The following CPNE8 variants were observed in gnomAD, a reference collection of about 807,000 sequenced individuals.
CPNE8 encodes copine-8.
Under a neutral mutation model 81.5 loss-of-function variants are expected in CPNE8, and 45 were observed. The ratio of observed to expected loss-of-function variants is 0.55; its 90% CI spans 0.44 to 0.71. The LOEUF (loss-of-function observed/expected upper bound fraction) is 0.71, where lower values mean the gene tolerates loss of function less well. CPNE8 is among the 30% of genes least tolerant of loss of function. The probability of loss-of-function intolerance (pLI) is 0.00; values close to 1 mark genes in which losing one functional copy is unlikely to be tolerated. For synonymous variants in CPNE8, 252 were observed against 226.3 expected (o/e 1.11, Z -1.02); for missense variants, 594 against 672.1 (o/e 0.88, Z 1.28).
In CPNE8 at chr12:38,760,506, C is replaced by A. The variant is rs1205403683; in HGVS notation, c.722+341G>T. 4.1e-5 allele frequency among the ~76,000 whole-genome samples: 6 copies of A among 147,978 alleles called. No homozygotes were observed. The South Asian group carries it at 6.3e-4, about 16-fold the overall frequency. On this transcript the variant is annotated intron_variant, in intron 10 of 19. Coordinates refer to ENST00000331366, the MANE Select transcript of CPNE8 (RefSeq NM_153634.3). Reference sequence around the variant, plus strand: ...TGAATGCAAAGCTTACTTGTGTTCCCTTGAAAAGTATGGGATATCAATGTC... The same window carrying A: ...TGAATGCAAAGCTTACTTGTGTTCCATTGAAAAGTATGGGATATCAATGTC...
chr12:38,750,229 T>G (rs1055058501), intron 10 of CPNE8, among the ~76,000 whole-genome samples: 1 of 152,156 alleles, frequency 6.6e-6, no homozygotes, highest in Admixed American at 6.5e-5. Flanking sequence ...CTGCTTAGAT[T>G]TCAAAAGATG....
At chr12:38,699,701 T>C (rs1295399399) in intron 14 of CPNE8, among the ~76,000 whole-genome samples, 1 of 145,770 alleles carries the variant, frequency 6.9e-6, no homozygotes, top group Non-Finnish European at 1.6e-5. Flanking sequence ...TTCTAAACTT[T>C]TTTTTTTTAC....
At chr12:38,814,995 T>C (rs1392462986) in intron 6 of CPNE8, among the ~76,000 whole-genome samples, 2 of 152,216 alleles carry the variant, frequency 1.3e-5, no homozygotes, top group Non-Finnish European at 1.5e-5. Context: ...CTTTCTGCTT[T>C]GGTCACACAT....
At chr12:38,730,866 T>C (rs911161558) in intron 10 of CPNE8, among the ~76,000 whole-genome samples, 5 of 151,730 alleles carry the variant, frequency 3.3e-5, no homozygotes, top group Non-Finnish European at 7.4e-5. Context: ...TTTTCTATAA[T>C]AGTTAATAAA....
chr12:38,889,439 G>A (rs924648237), intron 1 of CPNE8, among the ~76,000 whole-genome samples: 3 of 152,094 alleles, frequency 2.0e-5, no homozygotes, highest in African/African-American at 7.2e-5. Context: ...GTTTTCTCAG[G>A]AAACACAGGT....
Position 38,867,305 on chromosome 12 carries a change from A to AGTGTGT in CPNE8, c.186+5693_186+5698dup, listed in dbSNP as rs35874005. ...GTCCTTGATGTTTGTTGAATAGTAT[A>AGTGTGT]GTGTGTGTGTGTGTGTGTGTGTGTG... On this transcript the variant is annotated intron_variant, in intron 3 of 19. Transcript: ENST00000331366. Among the ~76,000 whole-genome samples, 382 of 133,208 alleles carry AGTGTGT rather than the reference A, an allele frequency of 2.9e-3. 2 individuals are homozygous for AGTGTGT. The highest frequency in any genetic ancestry group is 6.5e-3 in the African/African-American group (231 of 35,626). 87.4% of individuals were successfully genotyped at this position (133,208 alleles called of 152,430 possible). A position where few individuals can be genotyped will look rare whatever the true frequency, so the allele number is the denominator to read the frequency against.
At chr12:38,683,446 A>C (rs556601910) in intron 16 of CPNE8, among the ~76,000 whole-genome samples, 1 of 152,256 alleles carries the variant, frequency 6.6e-6, no homozygotes, top group South Asian at 2.1e-4. Flanking sequence ...ATAAGCTTTT[A>C]AGAGTTATAT....
chr12:38,900,387 C>T (rs1944443452), intron 1 of CPNE8, among the ~76,000 whole-genome samples: 1 of 152,200 alleles, frequency 6.6e-6, no homozygotes. Context: ...CCTCTTCCCA[C>T]ATTAGACAAT....
intron 7 of CPNE8, among the ~76,000 whole-genome samples, chr12:38,772,796 T>C (rs980787497): frequency 6.6e-6 from 1 of 152,128 alleles, no homozygotes; most frequent in East Asian, 1.9e-4. Context: ...GAAATCAGTA[T>C]CTTGAAGAGA....
At position 38,732,843 on chromosome 12, in the gene CPNE8, A is replaced by T. The variant is rs183285777; in HGVS notation, c.723-2485T>A. On this transcript the variant is annotated intron_variant, in intron 10 of 19. Transcript: ENST00000331366. Reference sequence around the variant, plus strand: ...TAAATGAAACAATGAATAAAATATTAGTCCTCCTTTCTAAATCTTGTTCAA... The same window carrying T: ...TAAATGAAACAATGAATAAAATATTTGTCCTCCTTTCTAAATCTTGTTCAA... Among the ~76,000 whole-genome samples, 840 of 152,130 alleles carry T rather than the reference A, an allele frequency of 5.5e-3. 5 individuals carry two copies. Among genetic ancestry groups the T allele is most frequent in the African/African-American group, 0.02 (824 of 41,570 alleles).
At chr12:38,814,787 G>C (rs1441867907) in intron 6 of CPNE8, among the ~76,000 whole-genome samples, 1 of 151,744 alleles carries the variant, frequency 6.6e-6, no homozygotes, top group African/African-American at 2.4e-5. Flanking sequence ...GTAAACTATA[G>C]TAACACTAAT....
chr12:38,656,862 C>A (rs1236966236), intron 19 of CPNE8, among the ~76,000 whole-genome samples: 2 of 152,144 alleles, frequency 1.3e-5, no homozygotes, highest in East Asian at 1.9e-4. Context: ...ACTGTGGGAG[C>A]CGTAAAGTAT....
chr12:38,674,063 C>G (rs980540554), intron 18 of CPNE8, among the ~76,000 whole-genome samples: 1 of 151,986 alleles, frequency 6.6e-6, no homozygotes, highest in African/African-American at 2.4e-5. Context: ...CCAGTTAGTT[C>G]AGGACCTCAC....
chr12:38,906,572 C>A (rs1291241680), upstream of CPNE8: 3 of 985,474 alleles, frequency 3.0e-6, no homozygotes, highest in African/African-American at 5.2e-5. Flanking sequence ...CTCCCACCCG[C>A]AAGAACTGAG....
chr12:38,830,966 A>G (rs973613587), intron 5 of CPNE8, among the ~76,000 whole-genome samples: 2 of 152,174 alleles, frequency 1.3e-5, no homozygotes, highest in Non-Finnish European at 2.9e-5. Flanking sequence ...CCAAGCCACA[A>G]AAGTAAAAAC....
At chr12:38,866,106 C>T (rs1943909196) in intron 3 of CPNE8, among the ~76,000 whole-genome samples, 1 of 152,210 alleles carries the variant, frequency 6.6e-6, no homozygotes, top group Non-Finnish European at 1.5e-5. Context: ...TAACATACAA[C>T]ATACTTTTGT....
intron 13 of CPNE8, among the ~76,000 whole-genome samples, chr12:38,714,889 G>A (rs1249299350): frequency 6.6e-6 from 1 of 151,924 alleles, no homozygotes; most frequent in African/African-American, 2.4e-5. Context: ...CTAAACTAAC[G>A]GAAGTGTATA....
chr12:38,752,257 G>A (rs999999061), intron 10 of CPNE8, among the ~76,000 whole-genome samples: 6 of 152,116 alleles, frequency 3.9e-5, no homozygotes, highest in Non-Finnish European at 5.9e-5. Context: ...ATATGGCTAC[G>A]ATCTCTCCAG....
chr12:38,866,631 T>C (rs1943917456), intron 3 of CPNE8, among the ~76,000 whole-genome samples: 1 of 152,178 alleles, frequency 6.6e-6, no homozygotes, highest in South Asian at 2.1e-4. Flanking sequence ...CCAAAACATG[T>C]AGTTAAGCTT....
Sources: allele counts gnomAD v4.1 joint callset (sites outside exome capture counted in the v4.1 genomes callset), GRCh38; gene constraint gnomAD v4.1.1; transcripts MANE v1.5; gene names NCBI Gene and HGNC (gene_info 2026-07-23, HGNC 2026-07-21).